Variants in UBXN7 observed in about 807,000 individuals in gnomAD.
UBXN7 encodes UBX domain protein 7.
Under a neutral mutation model 58.0 loss-of-function variants are expected in UBXN7, and 9 were observed. That is an observed-to-expected ratio of 0.16 (90% CI 0.09 to 0.27). UBXN7 has a LOEUF of 0.27. Ranked by LOEUF, UBXN7 falls within the 10% of genes least tolerant of loss-of-function variation. UBXN7 has a pLI of 1.00. For missense variants in UBXN7, 328 were observed against 599.6 expected, an observed-to-expected ratio of 0.55 and a Z score of 4.73; for synonymous variants, 208 against 205.0, an observed-to-expected ratio of 1.01 and a Z score of -0.12.
At chr3:196,386,607 T>A (rs1421583357) in intron 5 of UBXN7, among the ~76,000 whole-genome samples, 1 of 152,148 alleles carries the variant, frequency 6.6e-6, no homozygotes, top group Non-Finnish European at 1.5e-5. Flanking sequence ...GAACTCCCAT[T>A]CACAATTGCT....
intron 3 of UBXN7, among the ~76,000 whole-genome samples, chr3:196,401,246 T>A (rs556869201): frequency 0.079 from 84 of 1,066 alleles, no homozygotes; most frequent in Admixed American, 0.15. Context: ...ACCCCGTCTC[T>A]CCAAAAAAAA....
At chr3:196,420,588 T>C (rs1486138958) in intron 1 of UBXN7, among the ~76,000 whole-genome samples, 1 of 152,012 alleles carries the variant, frequency 6.6e-6, no homozygotes, top group Non-Finnish European at 1.5e-5. Context: ...GGCTCCGATA[T>C]TGTAGGCAGC....
At position 196,356,844 on chromosome 3, in the gene UBXN7, A is replaced by G. The variant is rs1212292509; in HGVS notation, c.1311T>C (p.Ala437=). The G allele has an allele frequency of 6.2e-7, 1 of 1,602,482 alleles. No homozygotes were observed. The highest frequency in any genetic ancestry group is 8.5e-7 in the Non-Finnish European group (1 of 1,177,564). ...CTTTAGACTGCACGTGCTTCACCAA[A>G]GCCTATAAAAACAAGAGAAAGACAA... ...ITLPEQAKLL[A]LVKHVQSKGY... Residue 437 remains alanine (A), a splice_region_variant and synonymous_variant, in exon 11 of 11, where the codon GCT becomes GCC. Coordinates refer to ENST00000296328, the MANE Select transcript of UBXN7 (RefSeq NM_015562.2).
chr3:196,366,218 A>G (rs759859771), intron 8 of UBXN7, among the ~76,000 whole-genome samples: 13 of 152,162 alleles, frequency 8.5e-5, no homozygotes, highest in African/African-American at 2.7e-4. Flanking sequence ...ACATCTTCTA[A>G]AACTATTTTT....
At chr3:196,388,575 T>C (rs1368626867) in intron 5 of UBXN7, among the ~76,000 whole-genome samples, 1 of 151,722 alleles carries the variant, frequency 6.6e-6, no homozygotes, top group Non-Finnish European at 1.5e-5. Context: ...ATGTATTGAG[T>C]GAACAAGTGA....
chr3:196,381,271 G>A (rs1415140729), intron 5 of UBXN7, among the ~76,000 whole-genome samples: 3 of 152,214 alleles, frequency 2.0e-5, no homozygotes, highest in African/African-American at 4.8e-5. Context: ...CCTCTGGGAC[G>A]AAGCTTCCAG....
At chr3:196,368,249 T>C in intron 7 of UBXN7, 94 bp from the exon 8 acceptor site, 1 of 1,262,360 alleles carries the variant, frequency 7.9e-7, no homozygotes, top group Middle Eastern at 2.7e-4. Flanking sequence ...CCTAGAATCC[T>C]TCTGAACACT....
Position 196,349,673 on chromosome 3 carries a change from A to G in UBXN7, c.*7012T>C, listed in dbSNP as rs1728167902. On this transcript the variant is annotated 3_prime_UTR_variant, in exon 11 of 11. Coordinates refer to ENST00000296328, the MANE Select transcript of UBXN7 (RefSeq NM_015562.2). Reference sequence around the variant, plus strand: ...GAATGGCAGGGAACGGTTCCAGATCAAGAATCTCTCCCTTATCAGTTAAGA... The same window carrying G: ...GAATGGCAGGGAACGGTTCCAGATCGAGAATCTCTCCCTTATCAGTTAAGA... 6.6e-6 allele frequency: 1 copy of G among 152,194 alleles called. No homozygotes were observed. The highest frequency in any genetic ancestry group is 1.5e-5 in the Non-Finnish European group (1 of 68,044). The allele number at this position is 152,194 out of a possible 1,614,324, so 9.4% of individuals were successfully genotyped here. A position where few individuals can be genotyped will look rare whatever the true frequency, so the allele number is the denominator to read the frequency against.
chr3:196,367,926 CTAGT>C (rs1728715089), intron 8 of UBXN7, 98 bp downstream of exon 8: 1 of 1,472,106 alleles, frequency 6.8e-7, no homozygotes, highest in Non-Finnish European at 9.2e-7. Flanking sequence ...TAGTTGTCCA[CTAGT>C]TAGATTATCT....
Position 196,407,251 on chromosome 3 carries a change from G to A in UBXN7, c.216C>T (p.His72=). 1 of 1,613,842 alleles carries A rather than the reference G, an allele frequency of 6.2e-7. No individual in the cohort carries two copies. Among genetic ancestry groups the A allele is most frequent in the Non-Finnish European group, 8.5e-7 (1 of 1,179,930 alleles). Residue 72 remains histidine, a synonymous_variant, in exon 2 of 11, where the codon CAC becomes CAT. Coordinates refer to ENST00000296328, the MANE Select transcript of UBXN7 (RefSeq NM_015562.2). ...SSASVSTVRP[H]TEEEVRAPIP... ...AACACATAATAAATTCATACTCTGT[G>A]TGTGGTCTGACAGTAGAGACACTTG...
intron 8 of UBXN7, among the ~76,000 whole-genome samples, chr3:196,366,734 T>A (rs1432657885): frequency 6.6e-6 from 1 of 151,566 alleles, no homozygotes; most frequent in East Asian, 1.9e-4. Context: ...TACAAAACTT[T>A]AACAGCTTAG....
At chr3:196,383,394 C>T (rs1322882261) in intron 5 of UBXN7, among the ~76,000 whole-genome samples, 1 of 152,114 alleles carries the variant, frequency 6.6e-6, no homozygotes, top group South Asian at 2.1e-4. Context: ...ATCAATGAGA[C>T]AGAAAGTTAA....
intron 1 of UBXN7, among the ~76,000 whole-genome samples, chr3:196,414,139 C>T (rs1011312479): frequency 7.2e-5 from 11 of 152,236 alleles, no homozygotes; most frequent in African/African-American, 2.2e-4. Flanking sequence ...TTGCCACCAC[C>T]ATACCTGGCT....
At chr3:196,413,567 T>C (rs946338041) in intron 1 of UBXN7, among the ~76,000 whole-genome samples, 1 of 152,126 alleles carries the variant, frequency 6.6e-6, no homozygotes, top group African/African-American at 2.4e-5. Flanking sequence ...TAGACCCTTC[T>C]TTCTCCCCCG....
chr3:196,416,547 G>A (rs146103084), intron 1 of UBXN7, among the ~76,000 whole-genome samples: 1 of 152,250 alleles, frequency 6.6e-6, no homozygotes, highest in East Asian at 1.9e-4. Flanking sequence ...CACTGCCAGG[G>A]GAACCATTTA....
chr3:196,397,306 G>A (rs1255155596), intron 3 of UBXN7, among the ~76,000 whole-genome samples: 3 of 152,244 alleles, frequency 2.0e-5, no homozygotes, highest in Non-Finnish European at 4.4e-5. Flanking sequence ...GAGAAAAAAT[G>A]TAGTGAGAAG....
rs71621242 is a variant in UBXN7, at chr3:196,409,940, CTT to C, written c.74-2549_74-2548del. The stretch of plus-strand genomic sequence containing the variant: ...AACCAATAATGTATTTTAAAAGAAA[CTT>C]TTTTTTTTTTTTTTTGAGACGGAGT... On this transcript the variant is annotated intron_variant, in intron 1 of 10. Transcript: ENST00000296328. Among the ~76,000 whole-genome samples, 646 of 138,112 alleles carry C rather than the reference CTT, an allele frequency of 4.7e-3. 16 individuals carry two copies. In the South Asian group the frequency reaches 0.076, roughly 16 times the overall value. The allele number at this position is 138,112 out of a possible 152,430, so 90.6% of individuals were successfully genotyped here. A position where few individuals can be genotyped will look rare whatever the true frequency, so the allele number is the denominator to read the frequency against.
chr3:196,410,617 T>C (rs1033126556), intron 1 of UBXN7, among the ~76,000 whole-genome samples: 1 of 151,616 alleles, frequency 6.6e-6, no homozygotes, highest in African/African-American at 2.4e-5. Flanking sequence ...AGGTTAGGAG[T>C]TCAAGACCAG....
At chr3:196,392,020 G>T in intron 4 of UBXN7, 95 bp from the exon 5 acceptor site, 1 of 738,250 alleles carries the variant, frequency 1.4e-6, no homozygotes, top group Non-Finnish European at 2.0e-6. Flanking sequence ...TCAATTGAAG[G>T]AATTGCTGTC....
Sources: allele counts gnomAD v4.1 joint callset (sites outside exome capture counted in the v4.1 genomes callset), GRCh38; gene constraint gnomAD v4.1.1; transcripts MANE v1.5; gene names NCBI Gene and HGNC (gene_info 2026-07-23, HGNC 2026-07-21).